SPMIP2: variants seen among roughly 807,000 people sequenced by gnomAD.
SPMIP2 encodes the protein sperm microtubule inner protein 2, also known as protein SPMIP2.
chr4:158,954,897 TC>T, the SPMIP2 span, among the ~76,000 whole-genome samples: 1 of 152,194 alleles, frequency 6.6e-6, no homozygotes, highest in African/African-American at 2.4e-5. Context: ...TAATACATTC[TC>T]TTACGACCTC....
chr4:158,979,284 C>T, the SPMIP2 span, among the ~76,000 whole-genome samples: 1 of 152,156 alleles, frequency 6.6e-6, no homozygotes, highest in Non-Finnish European at 1.5e-5. Flanking sequence ...TCTTAGCTTG[C>T]TGGGCTCCAT....
chr4:159,011,451 G>A, the SPMIP2 span, among the ~76,000 whole-genome samples: 2 of 152,142 alleles, frequency 1.3e-5, no homozygotes, highest in East Asian at 3.8e-4. Flanking sequence ...GTTAATTAAT[G>A]CTTATAAAAA....
the SPMIP2 span, among the ~76,000 whole-genome samples, chr4:158,922,798 G>A: frequency 6.6e-6 from 1 of 152,028 alleles, no homozygotes; most frequent in African/African-American, 2.4e-5. Flanking sequence ...GTATGCATTT[G>A]CCTATTGGGA....
At chr4:158,939,654 T>C in the SPMIP2 span, among the ~76,000 whole-genome samples, 3 of 152,132 alleles carry the variant, frequency 2.0e-5, no homozygotes, top group African/African-American at 7.2e-5. Flanking sequence ...TTCTCTTCTC[T>C]TTCTTCTCCC....
chr4:159,044,184 G>A, the SPMIP2 span, among the ~76,000 whole-genome samples: 1 of 151,908 alleles, frequency 6.6e-6, no homozygotes, highest in Non-Finnish European at 1.5e-5. Context: ...CAGTGGCAAG[G>A]AAGTTTGAGC....
At chr4:159,036,640 G>A in the SPMIP2 span, among the ~76,000 whole-genome samples, 1 of 152,138 alleles carries the variant, frequency 6.6e-6, no homozygotes, top group Non-Finnish European at 1.5e-5. Flanking sequence ...ATGCACAAAT[G>A]TATTATACAA....
chr4:158,965,540 G>A, the SPMIP2 span, among the ~76,000 whole-genome samples: 3 of 152,130 alleles, frequency 2.0e-5, no homozygotes, highest in Admixed American at 2.0e-4. Flanking sequence ...TTAATTCTAA[G>A]GTTAGGAAGT....
chr4:158,943,968 GCCTCAGCCTC>G, the SPMIP2 span, among the ~76,000 whole-genome samples: 2 of 140,120 alleles, frequency 1.4e-5, no homozygotes, highest in Non-Finnish European at 3.0e-5. Flanking sequence ...TGATTGTTCT[GCCTCAGCCTC>G]CCAAGTAGCT....
At chr4:158,932,708 G>T in the SPMIP2 span, among the ~76,000 whole-genome samples, 1 of 152,078 alleles carries the variant, frequency 6.6e-6, no homozygotes, top group Admixed American at 6.6e-5. Context: ...CTTTTCAGGG[G>T]ATTTCAAGAC....
At chr4:159,012,800 T>A in the SPMIP2 span, among the ~76,000 whole-genome samples, 52 of 152,120 alleles carry the variant, frequency 3.4e-4, no homozygotes, top group African/African-American at 1.1e-3. Flanking sequence ...CTCGAACTCC[T>A]GGGCTCAAGT....
chr4:159,074,558 C>T, the SPMIP2 span, among the ~76,000 whole-genome samples: 48 of 152,234 alleles, frequency 3.2e-4, no homozygotes, highest in South Asian at 3.7e-3. Context: ...TCTTATTAGT[C>T]TGGCTTAGAG....
At chr4:158,964,466 T>C in the SPMIP2 span, among the ~76,000 whole-genome samples, 2 of 152,168 alleles carry the variant, frequency 1.3e-5, no homozygotes. Context: ...AGCCAATAAA[T>C]GAGTATTGAT....
chr4:158,904,728 CATA>C, the SPMIP2 span: 4 of 581,938 alleles, frequency 6.9e-6, no homozygotes, highest in East Asian at 5.8e-5. Context: ...GTTTACTTGA[CATA>C]ATAGCATTTG....
chr4:158,986,370 C>T, the SPMIP2 span, among the ~76,000 whole-genome samples: 2 of 152,138 alleles, frequency 1.3e-5, no homozygotes. Context: ...CATCACGCTA[C>T]CTGACTTCAA....
the SPMIP2 span, among the ~76,000 whole-genome samples, chr4:159,004,410 C>T: frequency 6.1e-5 from 9 of 147,148 alleles, 1 homozygote; most frequent in South Asian, 1.9e-3. Flanking sequence ...CCTGTGTCAG[C>T]CTCCTGAGTA....
chr4:158,996,578 C>T, the SPMIP2 span, among the ~76,000 whole-genome samples: 1 of 152,148 alleles, frequency 6.6e-6, no homozygotes, highest in Non-Finnish European at 1.5e-5. Context: ...AATTATGTCC[C>T]ATAATAAGAT....
At chr4:159,013,577 A>G in the SPMIP2 span, among the ~76,000 whole-genome samples, 1 of 152,090 alleles carries the variant, frequency 6.6e-6, no homozygotes. Context: ...GGAAGGCCTG[A>G]TGCCCCTTCC....
At chr4:159,000,631 T>C in the SPMIP2 span, among the ~76,000 whole-genome samples, 40 of 151,908 alleles carry the variant, frequency 2.6e-4, no homozygotes, top group Middle Eastern at 6.8e-3. Context: ...GTATCTGAGA[T>C]TACAGGCACA....
chr4:159,008,652 G>A, the SPMIP2 span, among the ~76,000 whole-genome samples: 1 of 152,090 alleles, frequency 6.6e-6, no homozygotes, highest in African/African-American at 2.4e-5. Context: ...AGATGATGAT[G>A]AACTAGTATT....
Sources: allele counts gnomAD v4.1 joint callset (sites outside exome capture counted in the v4.1 genomes callset), GRCh38; gene constraint gnomAD v4.1.1; transcripts MANE v1.5; gene names NCBI Gene and HGNC (gene_info 2026-07-23, HGNC 2026-07-21).